Variants in DIPK1A observed in about 807,000 individuals in gnomAD.
DIPK1A encodes divergent protein kinase domain 1A, also known as family with sequence similarity 69 member A.
A neutral mutation model predicts 40.8 loss-of-function variants in DIPK1A; 27 were observed. The ratio of observed to expected loss-of-function variants is 0.66; its 90% CI spans 0.49 to 0.91. The LOEUF is 0.91. Among genes scored for constraint, DIPK1A ranks in the 40% least tolerant of loss-of-function variants. DIPK1A has a pLI of 0.00. For missense variants in DIPK1A, 412 were observed against 505.7 expected (o/e 0.81, Z 1.78); for synonymous variants, 166 against 171.3 (o/e 0.97, Z 0.24).
In DIPK1A at chr1:92,860,646, A is replaced by AGGTG. The variant is rs148916481; in HGVS notation, c.190-9692_190-9691insCACC. ...TTCTACTAAAAAAAAAAAAAAAAAA[A>AGGTG]TGGTGGTGTGCACCTTAGTCCCAGC... On this transcript the variant is annotated intron_variant, in intron 2 of 4. Coordinates refer to ENST00000370310, the MANE Select transcript of DIPK1A (RefSeq NM_001006605.5). Among the ~76,000 whole-genome samples the AGGTG allele has an allele frequency of 3.4e-3, 358 of 105,216 alleles. 21 individuals are homozygous for AGGTG. The highest frequency in any genetic ancestry group is 8.5e-3 in the Admixed American group (71 of 8,392). 69.0% of individuals were successfully genotyped at this position (105,216 alleles called of 152,430 possible). A position where few individuals can be genotyped will look rare whatever the true frequency, so the allele number is the denominator to read the frequency against.
Position 92,904,480 on chromosome 1 carries a change from T to C in DIPK1A, c.55-28050A>G, listed in dbSNP as rs533053031. On this transcript the variant is annotated intron_variant, in intron 1 of 4. Transcript: ENST00000370310. ...ATAAATCTCTTAAATACACAGCATA[T>C]ACCTATAAGCAAAAGATGGCAATGG... Among the ~76,000 whole-genome samples the C allele has an allele frequency of 2.6e-5, 4 of 152,298 alleles. No individual in the cohort carries two copies. In the South Asian group the frequency reaches 8.3e-4, roughly 32 times the overall value.
At chr1:92,899,211 A>G (rs1011010470) in intron 1 of DIPK1A, among the ~76,000 whole-genome samples, 10 of 152,216 alleles carry the variant, frequency 6.6e-5, no homozygotes, top group African/African-American at 2.4e-4. Context: ...TATGCTTTAT[A>G]TATATCTGAG....
At chr1:92,914,586 T>A (rs558402790) in intron 1 of DIPK1A, among the ~76,000 whole-genome samples, 1 of 151,378 alleles carries the variant, frequency 6.6e-6, no homozygotes, top group South Asian at 2.1e-4. Context: ...CTGGCCAACA[T>A]GGTGAAACCC....
chr1:92,877,574 A>T (rs1648184508), intron 1 of DIPK1A, among the ~76,000 whole-genome samples: 1 of 152,196 alleles, frequency 6.6e-6, no homozygotes, highest in African/African-American at 2.4e-5. Context: ...TGTGGTTTAG[A>T]TATCTTTGTG....
intron 1 of DIPK1A, among the ~76,000 whole-genome samples, chr1:92,946,105 T>C (rs1011379595): frequency 1.3e-5 from 2 of 152,210 alleles, no homozygotes; most frequent in Admixed American, 1.3e-4. Context: ...CAAATCCTTG[T>C]AGTAATGTGC....
intron 4 of DIPK1A, chr1:92,836,417 G>A: frequency 6.2e-7 from 1 of 1,602,798 alleles, no homozygotes; most frequent in East Asian, 2.2e-5. Context: ...TAAGACCTTG[G>A]TGCCTGGACC....
rs1687439027 is a variant in DIPK1A at position 92,843,081 on chromosome 1, CTG to C, written c.*300_*301del. Reference sequence around the variant, plus strand: ...CTAAGGTAAATCTACAAATCACTCACTGTTGATGTTTATGGAATGAAGCTTTT... The same window carrying C: ...CTAAGGTAAATCTACAAATCACTCACTTGATGTTTATGGAATGAAGCTTTT... On this transcript the variant is annotated 3_prime_UTR_variant, in exon 5 of 5. Coordinates refer to ENST00000370310, the MANE Select transcript of DIPK1A (RefSeq NM_001006605.5). 4.7e-6 allele frequency: 5 copies of C among 1,056,142 alleles called. No homozygotes were observed. Among genetic ancestry groups the C allele is most frequent in the Non-Finnish European group, 5.7e-6 (5 of 875,484 alleles). 65.4% of individuals were successfully genotyped at this position (1,056,142 alleles called of 1,614,324 possible). A position where few individuals can be genotyped will look rare whatever the true frequency, so the allele number is the denominator to read the frequency against.
At chr1:92,887,371 A>G (rs1648657928) in intron 1 of DIPK1A, among the ~76,000 whole-genome samples, 1 of 151,930 alleles carries the variant, frequency 6.6e-6, no homozygotes, top group African/African-American at 2.4e-5. Flanking sequence ...GGCAGCAGTG[A>G]GCTATGATCA....
chr1:92,959,447 AC>A (rs1391112440), intron 1 of DIPK1A, among the ~76,000 whole-genome samples: 7 of 139,610 alleles, frequency 5.0e-5, no homozygotes, highest in Non-Finnish European at 6.2e-5. Context: ...ACAGTAAAAC[AC>A]TTTTTTTTTT....
At chr1:92,951,957 T>C (rs977322676) in intron 1 of DIPK1A, among the ~76,000 whole-genome samples, 1 of 111,038 alleles carries the variant, frequency 9.0e-6, no homozygotes, top group Non-Finnish European at 1.7e-5. Flanking sequence ...GTATCAGGCA[T>C]TCTAAACTGT....
At chr1:92,856,487 G>A (rs569391211) in intron 2 of DIPK1A, among the ~76,000 whole-genome samples, 11 of 152,162 alleles carry the variant, frequency 7.2e-5, no homozygotes, top group East Asian at 3.9e-4. Flanking sequence ...GCACGATCTC[G>A]GCTCACTGCA....
intron 1 of DIPK1A, among the ~76,000 whole-genome samples, chr1:92,917,099 T>C (rs539279919): frequency 6.6e-6 from 1 of 152,322 alleles, no homozygotes; most frequent in African/African-American, 2.4e-5. Context: ...TTAACATAGT[T>C]TTTATAATAG....
At chr1:92,869,832 A>G (rs936942843) in intron 2 of DIPK1A, among the ~76,000 whole-genome samples, 2 of 152,164 alleles carry the variant, frequency 1.3e-5, no homozygotes, top group African/African-American at 4.8e-5. Context: ...CCATGCACTA[A>G]TACAGAGGGA....
rs1687422247 is a variant in DIPK1A at position 92,842,631 on chromosome 1, G to A, written c.*752C>T. 5.1e-6 allele frequency: 5 copies of A among 985,264 alleles called. No individual in the cohort carries two copies. Among genetic ancestry groups the A allele is most frequent in the Non-Finnish European group, 6.0e-6 (5 of 829,804 alleles). The allele number at this position is 985,264 out of a possible 1,614,324, so 61.0% of individuals were successfully genotyped here. ...GCACTTACAGTCCCACTTTCACATA[G>A]TTCAAAATCAGGATATGTGGATCTT... is the stretch of plus-strand genomic sequence containing the variant. On this transcript the variant is annotated 3_prime_UTR_variant, in exon 5 of 5. Transcript: ENST00000370310.
chr1:92,940,624 T>C (rs1266770964), intron 1 of DIPK1A, among the ~76,000 whole-genome samples: 2 of 152,244 alleles, frequency 1.3e-5, no homozygotes, highest in Non-Finnish European at 2.9e-5. Context: ...GCATTTTTGT[T>C]TGTGGATCCC....
At chr1:92,933,691 AG>A (rs1650845401) in intron 1 of DIPK1A, 1 of 152,272 alleles carries the variant, frequency 6.6e-6, no homozygotes, top group Non-Finnish European at 1.5e-5. Context: ...TATATCTGCA[AG>A]AAGCTAGATT....
intron 1 of DIPK1A, among the ~76,000 whole-genome samples, chr1:92,942,021 GC>G (rs1330051403): frequency 6.6e-6 from 1 of 151,142 alleles, no homozygotes; most frequent in Non-Finnish European, 1.5e-5. Context: ...TGCATCTACA[GC>G]CCACAGCAAC....
intron 4 of DIPK1A, chr1:92,836,212 A>T: frequency 6.2e-7 from 1 of 1,612,700 alleles, no homozygotes; most frequent in Non-Finnish European, 8.5e-7. Flanking sequence ...TTTGGCATGG[A>T]CAAGATCTAT....
In DIPK1A at chr1:92,843,101, A is replaced by T. The variant is rs572722206; in HGVS notation, c.*282T>A. The T allele has an allele frequency of 9.1e-7, 1 of 1,098,360 alleles. No individual in the cohort carries two copies. The highest frequency in any genetic ancestry group is 1.1e-6 in the Non-Finnish European group (1 of 901,894). 68.0% of individuals were successfully genotyped at this position (1,098,360 alleles called of 1,614,324 possible). On this transcript the variant is annotated 3_prime_UTR_variant, in exon 5 of 5. Transcript: ENST00000370310. ...ACTCACTGTTGATGTTTATGGAATG[A>T]AGCTTTTCACAGCATTGGTTTTTAA...
Sources: allele counts gnomAD v4.1 joint callset (sites outside exome capture counted in the v4.1 genomes callset), GRCh38; gene constraint gnomAD v4.1.1; transcripts MANE v1.5; gene names NCBI Gene and HGNC (gene_info 2026-07-23, HGNC 2026-07-21).